The following ATG7 variants were observed in gnomAD, a reference collection of about 807,000 sequenced individuals.
ATG7 encodes autophagy related 7, also known as ubiquitin-like modifier-activating enzyme ATG7.
ATG7 carries 70 observed loss-of-function variants against 82.4 expected under a neutral mutation model. The ratio of observed to expected loss-of-function variants is 0.85; its 90% CI spans 0.70 to 1.04. The LOEUF (loss-of-function observed/expected upper bound fraction) is 1.04, where lower values mean the gene tolerates loss of function less well. Ranked by LOEUF, ATG7 falls within the 50% of genes least tolerant of loss-of-function variation. The pLI is 0.00. For missense variants in ATG7, 792 were observed against 864.3 expected, an observed-to-expected ratio of 0.92 and a Z score of 1.05; for synonymous variants, 287 against 313.0, an observed-to-expected ratio of 0.92 and a Z score of 0.88.
intron 11 of ATG7, among the ~76,000 whole-genome samples, chr3:11,340,231 G>C (rs571058521): frequency 6.6e-6 from 1 of 152,082 alleles, no homozygotes. Context: ...CCTCAGTGAA[G>C]GGGTGCTGCA....
chr3:11,526,325 G>A (rs540703976), intron 20 of ATG7, among the ~76,000 whole-genome samples: 26 of 152,196 alleles, frequency 1.7e-4, no homozygotes, highest in Middle Eastern at 6.8e-3. Flanking sequence ...CAGGGAGGCC[G>A]AGGCTTTAGT....
chr3:11,455,830 A>G (rs1288901305), intron 20 of ATG7, among the ~76,000 whole-genome samples: 5 of 151,976 alleles, frequency 3.3e-5, no homozygotes, highest in East Asian at 3.9e-4. Context: ...CTACTCATCA[A>G]CCCCACAGAT....
At chr3:11,368,874 G>C (rs777828913) in intron 18 of ATG7, among the ~76,000 whole-genome samples, 23 of 151,052 alleles carry the variant, frequency 1.5e-4, no homozygotes, top group Non-Finnish European at 1.5e-4. Context: ...ATGAACTCTT[G>C]GTTCTAAAGT....
Position 11,556,587 on chromosome 3 carries a change from C to CAAATCTACG in ATG7, c.*1746_*1754dup, listed in dbSNP as rs1300035185. 1.3e-5 allele frequency: 2 copies of CAAATCTACG among 151,298 alleles called. No homozygotes were observed. Among genetic ancestry groups the CAAATCTACG allele is most frequent in the Non-Finnish European group, 3.0e-5 (2 of 67,780 alleles). 9.4% of individuals were successfully genotyped at this position (151,298 alleles called of 1,614,324 possible). On this transcript the variant is annotated 3_prime_UTR_variant, in exon 21 of 21. Coordinates refer to ENST00000693202, the MANE Select transcript of ATG7 (RefSeq NM_001349232.2). ...ATAACTGTTCCTGCACTTTTACAGA[C>CAAATCTACG]AAATCTACGACAAAAAAAAAGATCA...
At chr3:11,439,126 T>C (rs1433148871) in intron 20 of ATG7, among the ~76,000 whole-genome samples, 1 of 144,476 alleles carries the variant, frequency 6.9e-6, no homozygotes, top group Non-Finnish European at 1.5e-5. Flanking sequence ...TGGAATGCAG[T>C]GGCGTGATCT....
At chr3:11,464,730 C>A (rs1308373872) in intron 20 of ATG7, among the ~76,000 whole-genome samples, 1 of 152,200 alleles carries the variant, frequency 6.6e-6, no homozygotes, top group African/African-American at 2.4e-5. Context: ...GCAGAGGGGA[C>A]AGGGCTTTTA....
rs112311808 is a variant in ATG7 at position 11,389,196 on chromosome 3, G to A, written c.1956+9144G>A. On this transcript the variant is annotated intron_variant, in intron 19 of 20. Coordinates refer to ENST00000693202, the MANE Select transcript of ATG7 (RefSeq NM_001349232.2). ...TGCAGTGAGTCGAGATGGTGCCACT[G>A]TGCTCCAGCCTGGGGAACAGAGAGA... 2.4e-3 allele frequency among the ~76,000 whole-genome samples: 321 copies of A among 134,280 alleles called. 2 individuals are homozygous for A. The highest frequency in any genetic ancestry group is 8.5e-3 in the African/African-American group (306 of 36,006). The allele number at this position is 134,280 out of a possible 152,430, so 88.1% of individuals were successfully genotyped here. A position where few individuals can be genotyped will look rare whatever the true frequency, so the allele number is the denominator to read the frequency against.
chr3:11,290,155 G>A (rs1358377338), intron 3 of ATG7, among the ~76,000 whole-genome samples: 1 of 152,168 alleles, frequency 6.6e-6, no homozygotes, highest in Non-Finnish European at 1.5e-5. Flanking sequence ...GTAACTAGTT[G>A]TTCTTAAAAA....
rs974915402 is a variant in ATG7, at chr3:11,342,290, G to A, written c.1125+11G>A. On this transcript the variant is annotated intron_variant, in intron 13 of 20. Coordinates refer to ENST00000693202, the MANE Select transcript of ATG7 (RefSeq NM_001349232.2). The stretch of plus-strand genomic sequence containing the variant: ...GCTAGGACGTTGATGGTAAGTCGGA[G>A]GTGGGGGGTGCAAATGGCACCTTTG... The A allele has an allele frequency of 6.2e-7, 1 of 1,607,110 alleles. No individual in the cohort carries two copies. Among genetic ancestry groups the A allele is most frequent in the Non-Finnish European group, 8.5e-7 (1 of 1,177,832 alleles).
chr3:11,524,640 A>G (rs1575184812), intron 20 of ATG7, among the ~76,000 whole-genome samples: 1 of 152,108 alleles, frequency 6.6e-6, no homozygotes, highest in African/African-American at 2.4e-5. Context: ...GTAGTGCATT[A>G]GTCGAGAATG....
At chr3:11,475,169 G>C (rs2088004066) in intron 20 of ATG7, among the ~76,000 whole-genome samples, 1 of 152,002 alleles carries the variant, frequency 6.6e-6, no homozygotes, top group East Asian at 1.9e-4. Flanking sequence ...ACCAGGCCAG[G>C]GAATTTGGAT....
chr3:11,375,221 GA>G (rs1216334208), intron 18 of ATG7, among the ~76,000 whole-genome samples: 1 of 151,862 alleles, frequency 6.6e-6, no homozygotes, highest in Non-Finnish European at 1.5e-5. Flanking sequence ...ACAAACAAAT[GA>G]ACAAAAAAAC....
intron 20 of ATG7, among the ~76,000 whole-genome samples, chr3:11,504,677 G>A (rs1489715069): frequency 6.6e-6 from 1 of 152,136 alleles, no homozygotes. Context: ...GAGAGTTTGC[G>A]ATTAAATTAT....
chr3:11,395,948 A>T (rs1450224095), intron 19 of ATG7, among the ~76,000 whole-genome samples: 4 of 115,068 alleles, frequency 3.5e-5, no homozygotes, highest in African/African-American at 1.4e-4. Flanking sequence ...TCAAAAAAAA[A>T]AAAAAAAAAA....
At chr3:11,544,630 CCT>C (rs886969810) in intron 20 of ATG7, among the ~76,000 whole-genome samples, 6 of 152,240 alleles carry the variant, frequency 3.9e-5, no homozygotes, top group Non-Finnish European at 7.3e-5. Context: ...CCCGCCCACC[CCT>C]GTCCTTCTGG....
At chr3:11,527,294 G>A (rs1394095113) in intron 20 of ATG7, among the ~76,000 whole-genome samples, 1 of 151,938 alleles carries the variant, frequency 6.6e-6, no homozygotes, top group East Asian at 1.9e-4. Flanking sequence ...TGGCAGAGAT[G>A]GGGTTTCGCC....
the ATG7 span, among the ~76,000 whole-genome samples, chr3:11,570,347 G>A: frequency 2.0e-5 from 3 of 152,064 alleles, no homozygotes; most frequent in African/African-American, 7.2e-5. Context: ...AGAGACACAG[G>A]AAAGGAGCAG....
chr3:11,446,030 TATTC>T (rs1384960074), intron 20 of ATG7, among the ~76,000 whole-genome samples: 1 of 152,024 alleles, frequency 6.6e-6, no homozygotes. Flanking sequence ...ATGACCTAGT[TATTC>T]ACTTGAAAAG....
At chr3:11,440,936 G>A (rs879411299) in intron 20 of ATG7, among the ~76,000 whole-genome samples, 2 of 151,584 alleles carry the variant, frequency 1.3e-5, no homozygotes, top group East Asian at 1.9e-4. Context: ...CACCTGCCTC[G>A]GCCTCCCAAA....
Sources: gnomAD v4.1 joint callset for allele counts (sites outside exome capture counted in the v4.1 genomes callset) on GRCh38, gnomAD v4.1.1 for gene constraint, MANE v1.5 for transcripts, NCBI Gene and HGNC (gene_info 2026-07-23, HGNC 2026-07-21) for gene names.